HSPA4L: variants seen among roughly 807,000 people sequenced by gnomAD.
HSPA4L encodes the protein heat shock protein family A (Hsp70) member 4 like.
A neutral mutation model predicts 100.3 loss-of-function variants in HSPA4L; 48 were observed. The observed-to-expected ratio is 0.48, with a 90% CI of 0.38 to 0.61. The LOEUF is 0.61. HSPA4L is among the 20% of genes least tolerant of loss of function. HSPA4L has a pLI of 0.00. For missense variants in HSPA4L, 886 were observed against 988.6 expected, an observed-to-expected ratio of 0.90 and a Z score of 1.39; for synonymous variants, 319 against 328.2, an observed-to-expected ratio of 0.97 and a Z score of 0.30.
intron 1 of HSPA4L, among the ~76,000 whole-genome samples, chr4:127,789,591 T>C (rs1277753424): frequency 6.6e-6 from 1 of 151,594 alleles, no homozygotes; most frequent in African/African-American, 2.4e-5. Context: ...GAGGTTGCAG[T>C]GAGCTGAGAC....
intron 13 of HSPA4L, among the ~76,000 whole-genome samples, chr4:127,819,427 T>G (rs1335742611): frequency 1.3e-5 from 2 of 152,208 alleles, no homozygotes; most frequent in Non-Finnish European, 2.9e-5. Flanking sequence ...TTGTAGATTC[T>G]AAAGTTATTT....
intron 1 of HSPA4L, among the ~76,000 whole-genome samples, chr4:127,790,418 T>C (rs1732840828): frequency 6.6e-6 from 1 of 152,218 alleles, no homozygotes; most frequent in South Asian, 2.1e-4. Flanking sequence ...CATTACCAAA[T>C]TGGATATGTA....
At chr4:127,811,672 G>A (rs575315867) in intron 12 of HSPA4L, 36 bp downstream of exon 12, 2 of 1,424,772 alleles carry the variant, frequency 1.4e-6, no homozygotes, top group African/African-American at 1.4e-5. Flanking sequence ...TCTTGTAATA[G>A]ATAGTGTATA....
rs1734221372 is a variant in HSPA4L, at chr4:127,836,756, C to T, written c.*3882C>T. The T allele has an allele frequency of 6.6e-6, 1 of 152,018 alleles. No homozygotes were observed. The highest frequency in any genetic ancestry group is 2.4e-5 in the African/African-American group (1 of 41,386). 9.4% of individuals were successfully genotyped at this position (152,018 alleles called of 1,614,324 possible). A position where few individuals can be genotyped will look rare whatever the true frequency, so the allele number is the denominator to read the frequency against. On this transcript the variant is annotated 3_prime_UTR_variant, in exon 19 of 19. Transcript: ENST00000296464. ...TCACCCTAAATACATACAACCATTC[C>T]TCCACTTTCATAAATTTGACAAATA...
At chr4:127,811,890 TGAACC>T (rs1401950005) in intron 12 of HSPA4L, among the ~76,000 whole-genome samples, 1 of 152,208 alleles carries the variant, frequency 6.6e-6, no homozygotes, top group African/African-American at 2.4e-5. Flanking sequence ...ATGGAGCAGG[TGAACC>T]TGGAATTCTT....
At chr4:127,792,042 T>A (rs886716207) in intron 1 of HSPA4L, among the ~76,000 whole-genome samples, 3 of 152,212 alleles carry the variant, frequency 2.0e-5, no homozygotes, top group Non-Finnish European at 4.4e-5. Context: ...TCTCTGAAAA[T>A]CCAGTAGTCC....
chr4:127,786,649 C>T (rs1333952614), intron 1 of HSPA4L, among the ~76,000 whole-genome samples: 1 of 152,102 alleles, frequency 6.6e-6, no homozygotes, highest in Non-Finnish European at 1.5e-5. Context: ...TTTTTTCCAA[C>T]AGAGACAAGG....
chr4:127,818,284 A>C, intron 12 of HSPA4L, 41 bp from the exon 13 acceptor site: 1 of 1,376,002 alleles, frequency 7.3e-7, no homozygotes, highest in Non-Finnish European at 1.0e-6. Context: ...AAACAAAAAA[A>C]AGACACTGCG....
intron 11 of HSPA4L, among the ~76,000 whole-genome samples, chr4:127,810,771 CAT>C (rs994053772): frequency 4.6e-5 from 7 of 152,046 alleles, no homozygotes; most frequent in African/African-American, 1.7e-4. Flanking sequence ...ACAAAACACA[CAT>C]AGTCATGTTC....
chr4:127,837,751 T>G lies in HSPA4L; in HGVS notation c.*4877T>G, dbSNP rs1734247178. ...GTAACCAAAACAAGCAAAAAGAAAC[T>G]TTAGCTGTTTAACTATCACCTCTCT... On this transcript the variant is annotated 3_prime_UTR_variant, in exon 19 of 19. Transcript: ENST00000296464. 2 of 152,134 alleles carry G rather than the reference T, an allele frequency of 1.3e-5. No homozygotes were observed. 9.4% of individuals were successfully genotyped at this position (152,134 alleles called of 1,614,324 possible). A position where few individuals can be genotyped will look rare whatever the true frequency, so the allele number is the denominator to read the frequency against.
In HSPA4L at chr4:127,838,837, T is replaced by G. The variant is rs1248174968; in HGVS notation, c.*5963T>G. The G allele has an allele frequency of 1.3e-5, 2 of 152,344 alleles. No individual in the cohort carries two copies. Among genetic ancestry groups the G allele is most frequent in the East Asian group, 3.9e-4 (2 of 5,194 alleles). 9.4% of individuals were successfully genotyped at this position (152,344 alleles called of 1,614,324 possible). ...TCTTTAAAAATAGTTTTACTGATAATCCAATCACTTGGATAGTTAATTTTA... is the reference window on the plus strand; with the variant it reads ...TCTTTAAAAATAGTTTTACTGATAAGCCAATCACTTGGATAGTTAATTTTA... On this transcript the variant is annotated 3_prime_UTR_variant, in exon 19 of 19. Coordinates refer to ENST00000296464, the MANE Select transcript of HSPA4L (RefSeq NM_014278.4).
Position 127,827,407 on chromosome 4 carries a change from G to A in HSPA4L, c.2149G>A (p.Glu717Lys). ...GATCCAACTTGTCATGAAAGTGATA[G>A]AAGCTTATAGAAACAAGGTATTGAA... The part of the protein sequence containing the change: ...KKIQLVMKVI[E>K]AYRNKDERYD... Residue 717 changes from glutamate (E) to lysine (K), a missense_variant, in exon 17 of 19, where the codon GAA becomes AAA. Coordinates refer to ENST00000296464, the MANE Select transcript of HSPA4L (RefSeq NM_014278.4). 6.2e-7 allele frequency: 1 copy of A among 1,613,708 alleles called. No homozygotes were observed.
intron 10 of HSPA4L, among the ~76,000 whole-genome samples, chr4:127,806,024 G>A (rs1360181452): frequency 6.6e-6 from 1 of 151,784 alleles, no homozygotes; most frequent in Non-Finnish European, 1.5e-5. Context: ...ATAAATCACA[G>A]TATAGAAGTA....
At chr4:127,797,759 G>A (rs557328443) in intron 3 of HSPA4L, among the ~76,000 whole-genome samples, 6 of 151,830 alleles carry the variant, frequency 4.0e-5, no homozygotes, top group South Asian at 2.1e-4. Flanking sequence ...CTGCCACCAC[G>A]CCCAGCTAAG....
In HSPA4L at chr4:127,836,719, CTG is replaced by C. The variant is rs954041379; in HGVS notation, c.*3846_*3847del. ...CATTTGAATATAGTAATCAAATTAA[CTG>C]ATTTTGTTTTCACCCTAAATACATA... is the stretch of plus-strand genomic sequence containing the variant. On this transcript the variant is annotated 3_prime_UTR_variant, in exon 19 of 19. Coordinates refer to ENST00000296464, the MANE Select transcript of HSPA4L (RefSeq NM_014278.4). 6.6e-6 allele frequency: 1 copy of C among 152,036 alleles called. No homozygotes were observed. Among genetic ancestry groups the C allele is most frequent in the African/African-American group, 2.4e-5 (1 of 41,392 alleles). 9.4% of individuals were successfully genotyped at this position (152,036 alleles called of 1,614,324 possible). A position where few individuals can be genotyped will look rare whatever the true frequency, so the allele number is the denominator to read the frequency against.
intron 12 of HSPA4L, among the ~76,000 whole-genome samples, chr4:127,811,977 C>T (rs1293610176): frequency 6.6e-6 from 1 of 152,104 alleles, no homozygotes; most frequent in Non-Finnish European, 1.5e-5. Flanking sequence ...GATAAAACCA[C>T]TTCAGAATGA....
rs895481745 is a variant in HSPA4L, at chr4:127,811,294, C to T, written c.1379-143C>T. The stretch of plus-strand genomic sequence containing the variant: ...GATAATCTGGGGGAAGTACCTGCCC[C>T]ATAGTGATCAATCAGGATATGATCA... On this transcript the variant is annotated intron_variant, in intron 11 of 18. Coordinates refer to ENST00000296464, the MANE Select transcript of HSPA4L (RefSeq NM_014278.4). 1.6e-5 allele frequency: 10 copies of T among 636,842 alleles called. No homozygotes were observed. In the South Asian group the frequency reaches 2.0e-4, roughly 13 times the overall value. 39.4% of individuals were successfully genotyped at this position (636,842 alleles called of 1,614,324 possible). A position where few individuals can be genotyped will look rare whatever the true frequency, so the allele number is the denominator to read the frequency against.
upstream of HSPA4L, chr4:127,782,273 C>T: frequency 4.5e-6 from 2 of 445,818 alleles, no homozygotes; most frequent in East Asian, 4.7e-5. Flanking sequence ...GGCAGCCGAG[C>T]GCGCAGGCGC....
Position 127,818,772 on chromosome 4 carries a change from C to T in HSPA4L, c.1674+352C>T, listed in dbSNP as rs528035066. ...AGGAGGGAGGGAGATGATCCCTCCC[C>T]TTAATGGGTACTAGGCTTAATACCT... On this transcript the variant is annotated intron_variant, in intron 13 of 18. Transcript: ENST00000296464. Among the ~76,000 whole-genome samples, 260 of 151,766 alleles carry T rather than the reference C, an allele frequency of 1.7e-3. 2 individuals carry two copies. The highest frequency in any genetic ancestry group is 6.0e-3 in the African/African-American group (248 of 41,356).
Sources: gnomAD v4.1 joint callset for allele counts (sites outside exome capture counted in the v4.1 genomes callset) on GRCh38, gnomAD v4.1.1 for gene constraint, MANE v1.5 for transcripts, NCBI Gene and HGNC (gene_info 2026-07-23, HGNC 2026-07-21) for gene names.